Variants in LOC128125817 observed in about 807,000 individuals in gnomAD.
the LOC128125817 span, among the ~76,000 whole-genome samples, chr1:41,600,239 T>A: frequency 6.6e-6 from 1 of 152,166 alleles, no homozygotes; most frequent in Non-Finnish European, 1.5e-5. Flanking sequence ...AGAATTGAAA[T>A]CAGAGTCTCA....
At chr1:41,618,210 C>T in the LOC128125817 span, among the ~76,000 whole-genome samples, 2 of 152,178 alleles carry the variant, frequency 1.3e-5, no homozygotes, top group Non-Finnish European at 2.9e-5. Context: ...TGCCAGAGCC[C>T]GGAGCCACCA....
chr1:41,592,051 G>A, the LOC128125817 span, among the ~76,000 whole-genome samples: 2 of 152,180 alleles, frequency 1.3e-5, no homozygotes, highest in African/African-American at 4.8e-5. Flanking sequence ...GCTGCAGGTG[G>A]GACAGTGAGT....
chr1:41,609,287 G>A, the LOC128125817 span, among the ~76,000 whole-genome samples: 1 of 152,186 alleles, frequency 6.6e-6, no homozygotes, highest in Non-Finnish European at 1.5e-5. Flanking sequence ...CACTTCTGAT[G>A]TTCCTGAACC....
At chr1:41,593,827 G>A in the LOC128125817 span, among the ~76,000 whole-genome samples, 7 of 152,164 alleles carry the variant, frequency 4.6e-5, no homozygotes, top group African/African-American at 1.7e-4. Flanking sequence ...GGTCTCACTC[G>A]GCTAAAAGCA....
chr1:41,588,493 C>G, the LOC128125817 span, among the ~76,000 whole-genome samples: 3 of 152,134 alleles, frequency 2.0e-5, no homozygotes, highest in Admixed American at 6.5e-5. Context: ...CGCCCAGCAG[C>G]TGGGGTTTGG....
chr1:41,606,071 C>T, the LOC128125817 span, among the ~76,000 whole-genome samples: 6 of 149,480 alleles, frequency 4.0e-5, no homozygotes, highest in African/African-American at 1.5e-4. Context: ...TCTTCTAGGC[C>T]CCAGAATGCC....
the LOC128125817 span, among the ~76,000 whole-genome samples, chr1:41,618,594 T>C: frequency 6.6e-6 from 1 of 152,096 alleles, no homozygotes; most frequent in Non-Finnish European, 1.5e-5. Flanking sequence ...TTCTTTCCCT[T>C]TCGGTGGTGT....
chr1:41,610,919 G>A, the LOC128125817 span, among the ~76,000 whole-genome samples: 1 of 152,158 alleles, frequency 6.6e-6, no homozygotes, highest in African/African-American at 2.4e-5. Flanking sequence ...CTCCCACTCT[G>A]TGCTCCCTGA....
the LOC128125817 span, among the ~76,000 whole-genome samples, chr1:41,611,751 G>C: frequency 7.9e-5 from 12 of 152,352 alleles, no homozygotes; most frequent in South Asian, 2.5e-3. Flanking sequence ...TGGGCAACCA[G>C]GCAAGTCCTC....
chr1:41,593,963 G>GC, the LOC128125817 span, among the ~76,000 whole-genome samples: 1 of 152,132 alleles, frequency 6.6e-6, no homozygotes, highest in Non-Finnish European at 1.5e-5. Context: ...CACCTGCAAA[G>GC]CTGGTAACAG....
At chr1:41,589,288 C>T in the LOC128125817 span, among the ~76,000 whole-genome samples, 4 of 152,224 alleles carry the variant, frequency 2.6e-5, no homozygotes, top group African/African-American at 9.6e-5. Context: ...TGAGAGCTCT[C>T]GCTCAGAGAC....
the LOC128125817 span, among the ~76,000 whole-genome samples, chr1:41,626,335 A>G: frequency 6.6e-6 from 1 of 152,312 alleles, no homozygotes; most frequent in African/African-American, 2.4e-5. Flanking sequence ...CACCTCATTA[A>G]TCACAGGCAC....
chr1:41,624,436 C>T, the LOC128125817 span, among the ~76,000 whole-genome samples: 5 of 152,142 alleles, frequency 3.3e-5, no homozygotes, highest in African/African-American at 9.7e-5. Flanking sequence ...CAAGTGCTGC[C>T]GGTTTAATTT....
the LOC128125817 span, among the ~76,000 whole-genome samples, chr1:41,593,615 C>T: frequency 1.3e-5 from 2 of 152,382 alleles, no homozygotes; most frequent in African/African-American, 2.4e-5. Context: ...CAGAAATTTA[C>T]ACTTCCGCCA....
chr1:41,612,715 C>T, the LOC128125817 span, among the ~76,000 whole-genome samples: 2 of 152,168 alleles, frequency 1.3e-5, no homozygotes, highest in Non-Finnish European at 2.9e-5. Context: ...GTATCCTGAA[C>T]TCAGGGGACC....
the LOC128125817 span, among the ~76,000 whole-genome samples, chr1:41,620,649 C>T: frequency 6.6e-6 from 1 of 152,176 alleles, no homozygotes; most frequent in Non-Finnish European, 1.5e-5. Flanking sequence ...GCATTTCCAG[C>T]AGCTCTCACA....
the LOC128125817 span, among the ~76,000 whole-genome samples, chr1:41,616,125 G>A: frequency 1.3e-5 from 2 of 152,020 alleles, no homozygotes; most frequent in African/African-American, 4.8e-5. Context: ...TGTGGTGGGT[G>A]GATCTGAGCA....
chr1:41,604,819 ATAGCCCAGGCACAGTGGCT>A, the LOC128125817 span, among the ~76,000 whole-genome samples: 1 of 152,152 alleles, frequency 6.6e-6, no homozygotes, highest in African/African-American at 2.4e-5. Context: ...AGAAAATAGG[ATAGCCCAGGCACAGTGGCT>A]CATGCCTATA....
At chr1:41,605,402 C>T in the LOC128125817 span, among the ~76,000 whole-genome samples, 12 of 151,698 alleles carry the variant, frequency 7.9e-5, no homozygotes, top group African/African-American at 2.9e-4. Flanking sequence ...CACACACACA[C>T]ACACATACAT....
Sources: gnomAD v4.1 joint callset for allele counts (sites outside exome capture counted in the v4.1 genomes callset) on GRCh38, gnomAD v4.1.1 for gene constraint, MANE v1.5 for transcripts.